The following EPHB2 variants were observed in gnomAD, a reference collection of about 807,000 sequenced individuals.
EPHB2 encodes ephrin type-B receptor 2.
A neutral mutation model predicts 96.4 loss-of-function variants in EPHB2; 18 were observed. That is an observed-to-expected ratio of 0.19 (90% CI 0.13 to 0.28). The LOEUF (loss-of-function observed/expected upper bound fraction) is 0.28. Among genes scored for constraint, EPHB2 ranks in the 10% least tolerant of loss-of-function variants. The pLI is 1.00. For synonymous variants in EPHB2, 506 were observed against 534.1 expected (o/e 0.95, Z 0.72); for missense variants, 989 against 1,355.4 (o/e 0.73, Z 4.25).
At chr1:22,833,204 G>A (rs958441162) in intron 3 of EPHB2, among the ~76,000 whole-genome samples, 1 of 152,046 alleles carries the variant, frequency 6.6e-6, no homozygotes, top group South Asian at 2.1e-4. Flanking sequence ...TGCAACCTCT[G>A]CCTCCCAGGT....
At chr1:22,777,413 A>G (rs568974461) in intron 1 of EPHB2, among the ~76,000 whole-genome samples, 1 of 152,304 alleles carries the variant, frequency 6.6e-6, no homozygotes, top group African/African-American at 2.4e-5. Flanking sequence ...GGGTCTCAGC[A>G]GACGTGAGTT....
rs553929298 is a variant in EPHB2, at chr1:22,899,217, T to C, written c.1765+2739T>C. On this transcript the variant is annotated intron_variant, in intron 9 of 15. Transcript: ENST00000374630. ...TCAAAAAAAAAAAAAAAAAATAGTT[T>C]GGGGCCAGGCGCAGTGGCTCACCCC... Among the ~76,000 whole-genome samples, 1,001 of 136,534 alleles carry C rather than the reference T, an allele frequency of 7.3e-3. 4 individuals are homozygous for C. Among genetic ancestry groups the C allele is most frequent in the African/African-American group, 0.023 (828 of 36,002 alleles). The allele number at this position is 136,534 out of a possible 152,430, so 89.6% of individuals were successfully genotyped here. A position where few individuals can be genotyped will look rare whatever the true frequency, so the allele number is the denominator to read the frequency against.
intron 3 of EPHB2, among the ~76,000 whole-genome samples, chr1:22,816,694 C>G (rs1327178747): frequency 6.6e-6 from 1 of 152,202 alleles, no homozygotes; most frequent in Non-Finnish European, 1.5e-5. Flanking sequence ...CACCAGGTAG[C>G]CCCTCACAGC....
rs149057543 is a variant in EPHB2, at chr1:22,905,093, G to A, written c.1766-894G>A. 7.3e-3 allele frequency among the ~76,000 whole-genome samples: 1,119 copies of A among 152,306 alleles called. 17 individuals are homozygous for A. Among genetic ancestry groups the A allele is most frequent in the African/African-American group, 0.025 (1,043 of 41,560 alleles). Reference sequence around the variant, plus strand: ...GCTGCCTATCTGGGAGGCGGAAGATGGATGGGTCATCTTTCCCTTCTTTCA... The same window carrying A: ...GCTGCCTATCTGGGAGGCGGAAGATAGATGGGTCATCTTTCCCTTCTTTCA... On this transcript the variant is annotated intron_variant, in intron 9 of 15. Coordinates refer to ENST00000374630, the MANE Select transcript of EPHB2 (RefSeq NM_017449.5).
intron 1 of EPHB2, among the ~76,000 whole-genome samples, chr1:22,723,785 A>G (rs1395265706): frequency 6.6e-6 from 1 of 152,250 alleles, no homozygotes; most frequent in African/African-American, 2.4e-5. Flanking sequence ...GAGGAATTAA[A>G]AGAGCTAATG....
chr1:22,844,092 A>G (rs1241108083), intron 3 of EPHB2, among the ~76,000 whole-genome samples: 1 of 152,124 alleles, frequency 6.6e-6, no homozygotes, highest in Non-Finnish European at 1.5e-5. Context: ...GTTGTGAATA[A>G]TGCTGCAGTG....
chr1:22,761,544 G>A (rs1644236163), intron 1 of EPHB2, among the ~76,000 whole-genome samples: 1 of 152,202 alleles, frequency 6.6e-6, no homozygotes, highest in African/African-American at 2.4e-5. Flanking sequence ...TCTTGGGCAG[G>A]GCACTTGACA....
rs1645742294 is a variant in EPHB2 at position 22,858,663 on chromosome 1, TG to T, written c.812-4372del. ...TCCCACCCAGAAGTTGGGAGTGGTG[TG>T]GCCCCCCGGGCACTGTGGGCAGTGG... On this transcript the variant is annotated intron_variant, in intron 3 of 15. Coordinates refer to ENST00000374630, the MANE Select transcript of EPHB2 (RefSeq NM_017449.5). The surrounding 1 kb of genome is among the most constrained non-coding windows in gnomAD (Gnocchi z 7.7). Among the ~76,000 whole-genome samples, 1 of 152,060 alleles carries T rather than the reference TG, an allele frequency of 6.6e-6. No homozygotes were observed. Among genetic ancestry groups the T allele is most frequent in the Non-Finnish European group, 1.5e-5 (1 of 68,008 alleles).
At chr1:22,752,880 C>A (rs894363397) in intron 1 of EPHB2, among the ~76,000 whole-genome samples, 1 of 152,048 alleles carries the variant, frequency 6.6e-6, no homozygotes, top group Admixed American at 6.5e-5. Flanking sequence ...GATTACTGGG[C>A]TCAAGCAATC....
rs1229440968 is a variant in EPHB2, at chr1:22,846,703, G to A, written c.812-16334G>A. On this transcript the variant is annotated intron_variant, in intron 3 of 15. Transcript: ENST00000374630. The surrounding 1 kb of genome is among the most constrained non-coding windows in gnomAD (Gnocchi z 4.3). ...TGCAGTTTCCCATCTCCACCCCTCC[G>A]CCCACGCTGCTCCCTCAGCCTCGCA... 3.3e-5 allele frequency among the ~76,000 whole-genome samples: 5 copies of A among 152,226 alleles called. No individual in the cohort carries two copies. The highest frequency in any genetic ancestry group is 2.1e-4 in the South Asian group (1 of 4,820).
intron 1 of EPHB2, among the ~76,000 whole-genome samples, chr1:22,744,081 A>G (rs1327963367): frequency 6.6e-6 from 1 of 152,232 alleles, no homozygotes; most frequent in Non-Finnish European, 1.5e-5. Context: ...TAACACAATG[A>G]ATCACCATAC....
intron 1 of EPHB2, among the ~76,000 whole-genome samples, chr1:22,771,639 G>T (rs1275965944): frequency 6.6e-6 from 1 of 152,178 alleles, no homozygotes; most frequent in East Asian, 1.9e-4. Flanking sequence ...CTGACAATTG[G>T]TCCTCCCTCA....
chr1:22,864,212 A>G (rs1638386040), intron 4 of EPHB2, among the ~76,000 whole-genome samples: 1 of 151,900 alleles, frequency 6.6e-6, no homozygotes, highest in Non-Finnish European at 1.5e-5. Context: ...TGCCCGGCTA[A>G]TTTTTTGTAT....
At chr1:22,780,202 A>G (rs2582020) in intron 1 of EPHB2, among the ~76,000 whole-genome samples, 127,411 of 152,220 alleles carry the variant, frequency 0.84, 54,444 homozygotes, top group Non-Finnish European at 0.92. Flanking sequence ...AGGCAAGGAA[A>G]GGGTAGAGGA....
chr1:22,721,744 T>C (rs976726344), intron 1 of EPHB2, among the ~76,000 whole-genome samples: 3 of 151,974 alleles, frequency 2.0e-5, no homozygotes, highest in East Asian at 1.9e-4. Context: ...GCCTCCCAAG[T>C]AGCTGGATCC....
Position 22,734,637 on chromosome 1 carries a change from G to T in EPHB2, c.61+23594G>T, listed in dbSNP as rs144750985. 9.4e-3 allele frequency among the ~76,000 whole-genome samples: 1,430 copies of T among 152,134 alleles called. 29 individuals are homozygous for T. Among genetic ancestry groups the T allele is most frequent in the African/African-American group, 0.032 (1,331 of 41,504 alleles). ...GGGTTTCACCATGTTGGCCAGGCTG[G>T]TCTCTAACTCCTGACCTCAGGCATC... On this transcript the variant is annotated intron_variant, in intron 1 of 15. Coordinates refer to ENST00000374630, the MANE Select transcript of EPHB2 (RefSeq NM_017449.5).
chr1:22,891,784 C>CT (rs1182545836), intron 6 of EPHB2, among the ~76,000 whole-genome samples: 3,397 of 110,244 alleles, frequency 0.031, 120 homozygotes, highest in African/African-American at 0.093. Flanking sequence ...AGTCTGGTTT[C>CT]TTTTTTTTTT....
intron 3 of EPHB2, among the ~76,000 whole-genome samples, chr1:22,838,688 G>A (rs1025847177): frequency 6.6e-6 from 1 of 152,204 alleles, no homozygotes; most frequent in African/African-American, 2.4e-5. Flanking sequence ...CAGCACTTTG[G>A]GAGGCCGAGG....
intron 1 of EPHB2, among the ~76,000 whole-genome samples, chr1:22,731,917 G>A (rs909288651): frequency 6.6e-6 from 1 of 152,236 alleles, no homozygotes; most frequent in Non-Finnish European, 1.5e-5. Flanking sequence ...GAATGCTTTT[G>A]TGCGGCCTGT....
Sources: allele counts gnomAD v4.1 joint callset (sites outside exome capture counted in the v4.1 genomes callset), GRCh38; gene constraint gnomAD v4.1.1; non-coding constraint Gnocchi (gnomAD v3.1); transcripts MANE v1.5; gene names NCBI Gene and HGNC (gene_info 2026-07-23, HGNC 2026-07-21).